Variants in CDH8 observed in about 807,000 individuals in gnomAD.
CDH8 encodes the protein cadherin-8.
CDH8 carries 17 observed loss-of-function variants against 68.1 expected under a neutral mutation model. The observed-to-expected ratio is 0.25, with a 90% CI of 0.17 to 0.37. The LOEUF (loss-of-function observed/expected upper bound fraction) is 0.37, where lower values mean the gene tolerates loss of function less well. Among genes scored for constraint, CDH8 ranks in the 10% least tolerant of loss-of-function variants. The probability of loss-of-function intolerance (pLI) is 1.00; values close to 1 mark genes in which losing one functional copy is unlikely to be tolerated. For missense variants in CDH8, 763 were observed against 999.3 expected (o/e 0.76, Z 3.19); for synonymous variants, 372 against 365.1 (o/e 1.02, Z -0.21).
intron 2 of CDH8, among the ~76,000 whole-genome samples, chr16:61,917,731 C>T (rs1964266847): frequency 6.6e-6 from 1 of 152,136 alleles, no homozygotes; most frequent in Non-Finnish European, 1.5e-5. Flanking sequence ...GAAGTGGTAC[C>T]TAGTACATAG....
At chr16:61,659,152 C>T (rs147860284) in intron 10 of CDH8, among the ~76,000 whole-genome samples, 1 of 152,106 alleles carries the variant, frequency 6.6e-6, no homozygotes, top group Admixed American at 6.6e-5. Flanking sequence ...AGAAAAGGAG[C>T]TCTACAGATG....
At chr16:61,865,693 G>A (rs1215914953) in intron 3 of CDH8, among the ~76,000 whole-genome samples, 4 of 151,970 alleles carry the variant, frequency 2.6e-5, no homozygotes, top group African/African-American at 4.8e-5. Flanking sequence ...GAATTGGGGC[G>A]GTTCTATTTC....
rs115480516 is a variant in CDH8, at chr16:62,016,341, C to G, written c.252+4811G>C. Among the ~76,000 whole-genome samples, 1,044 of 152,292 alleles carry G rather than the reference C, an allele frequency of 6.9e-3. 13 individuals are homozygous for G. Among genetic ancestry groups the G allele is most frequent in the African/African-American group, 0.024 (1,017 of 41,568 alleles). On this transcript the variant is annotated intron_variant, in intron 2 of 11. Coordinates refer to ENST00000577390, the MANE Select transcript of CDH8 (RefSeq NM_001796.5). ...TCTGTGTTTGCTCAGAGCTGAGAAT[C>G]CATTGGCAATGAAATGCTCTGCAGA...
At chr16:61,778,868 C>T (rs1960966043) in intron 8 of CDH8, among the ~76,000 whole-genome samples, 1 of 152,086 alleles carries the variant, frequency 6.6e-6, no homozygotes, top group Non-Finnish European at 1.5e-5. Flanking sequence ...TTCTAAGTAG[C>T]CTGGGTTGGA....
intron 10 of CDH8, among the ~76,000 whole-genome samples, chr16:61,672,348 T>C (rs962890526): frequency 6.6e-6 from 1 of 152,110 alleles, no homozygotes; most frequent in African/African-American, 2.4e-5. Flanking sequence ...TTGAATATCA[T>C]AGTAGACAGT....
At chr16:61,992,557 A>G (rs1965744595) in intron 2 of CDH8, among the ~76,000 whole-genome samples, 1 of 151,952 alleles carries the variant, frequency 6.6e-6, no homozygotes, top group Non-Finnish European at 1.5e-5. Flanking sequence ...TAACCTGCAC[A>G]TTGTGCACAT....
intron 2 of CDH8, among the ~76,000 whole-genome samples, chr16:61,968,188 T>C (rs1016196529): frequency 1.3e-5 from 2 of 152,212 alleles, no homozygotes; most frequent in Non-Finnish European, 1.5e-5. Context: ...ATTCCTGTGA[T>C]CCACTTCCAA....
At chr16:61,817,391 G>T in intron 7 of CDH8, 88 bp downstream of exon 7, 1 of 1,289,028 alleles carries the variant, frequency 7.8e-7, no homozygotes, top group African/African-American at 1.5e-5. Context: ...GTCCCAAGGA[G>T]AGCCCCACAG....
In CDH8 at chr16:61,653,829, C is replaced by T; in HGVS notation, c.2179G>A (p.Val727Ile). The T allele has an allele frequency of 3.1e-6, 5 of 1,614,168 alleles. No homozygotes were observed. The South Asian group carries it at 5.5e-5, about 18-fold the overall frequency. The part of the protein sequence containing the change: ...NGVDVDEFIN[V>I]RLHEADNDPT... ...TCATTATCTGCCTCATGCAGCCTTA[C>T]ATTTATAAATTCATCGACATCAACA... Residue 727 changes from valine to isoleucine, a missense_variant, in exon 12 of 12, where the codon GTA becomes ATA. By Grantham distance (29) the Val-to-Ile change is conservative. Around this residue, in one of 2 missense-constraint regions of CDH8, gnomAD observed 397 missense variants for 436.2 expected, o/e 0.91. Transcript: ENST00000577390.
At chr16:62,019,579 G>A (rs897296674) in intron 2 of CDH8, among the ~76,000 whole-genome samples, 16 of 152,240 alleles carry the variant, frequency 1.1e-4, no homozygotes, top group African/African-American at 3.9e-4. Flanking sequence ...GCAGCACCCT[G>A]TAATCAACCA....
intron 8 of CDH8, among the ~76,000 whole-genome samples, chr16:61,778,535 A>C (rs1960958464): frequency 6.6e-6 from 1 of 152,170 alleles, no homozygotes; most frequent in Admixed American, 6.5e-5. Context: ...TTAAATAAAT[A>C]ATTTTAAATG....
At chr16:61,745,860 ACTC>A (rs1869154193) in intron 8 of CDH8, among the ~76,000 whole-genome samples, 1 of 150,892 alleles carries the variant, frequency 6.6e-6, no homozygotes, top group Non-Finnish European at 1.5e-5. Flanking sequence ...TTGCAGGCCC[ACTC>A]CTCTTTGGCA....
chr16:61,887,637 T>C (rs1289785130), intron 3 of CDH8, among the ~76,000 whole-genome samples: 1 of 152,128 alleles, frequency 6.6e-6, no homozygotes, highest in East Asian at 1.9e-4. Context: ...TGACCCCATT[T>C]AACCTTCATT....
intron 8 of CDH8, among the ~76,000 whole-genome samples, chr16:61,763,527 T>C (rs1266988974): frequency 1.3e-5 from 2 of 152,120 alleles, no homozygotes; most frequent in Admixed American, 6.6e-5. Flanking sequence ...TGTTGGGAGC[T>C]AGAGTTGAAT....
At chr16:61,845,376 T>A (rs894282086) in intron 4 of CDH8, among the ~76,000 whole-genome samples, 1 of 151,304 alleles carries the variant, frequency 6.6e-6, no homozygotes, top group African/African-American at 2.4e-5. Context: ...GCTTCTAAGA[T>A]AAATAATACC....
intron 8 of CDH8, among the ~76,000 whole-genome samples, chr16:61,735,254 T>C (rs1411632018): frequency 6.6e-6 from 1 of 152,130 alleles, no homozygotes; most frequent in Admixed American, 6.6e-5. Context: ...GGACATATCT[T>C]TTTTGAAGGC....
At chr16:62,024,579 C>G (rs1024624685) in intron 1 of CDH8, among the ~76,000 whole-genome samples, 11 of 152,014 alleles carry the variant, frequency 7.2e-5, no homozygotes, top group African/African-American at 2.7e-4. Context: ...CCTGAACTCA[C>G]CAGAATAAGT....
intron 2 of CDH8, among the ~76,000 whole-genome samples, chr16:61,976,026 C>A (rs185638987): frequency 6.6e-6 from 1 of 152,206 alleles, no homozygotes; most frequent in Non-Finnish European, 1.5e-5. Flanking sequence ...CAAGAACTAA[C>A]ATAAACATAA....
At chr16:61,801,573 G>T (rs1347804178) in intron 7 of CDH8, among the ~76,000 whole-genome samples, 1 of 152,190 alleles carries the variant, frequency 6.6e-6, no homozygotes, top group African/African-American at 2.4e-5. Flanking sequence ...TCTCACTAGG[G>T]AGTGCCAGAC....
Sources: gnomAD v4.1 joint callset for allele counts (sites outside exome capture counted in the v4.1 genomes callset) on GRCh38, gnomAD v4.1.1 for gene constraint, gnomAD v4.1.1 regional missense constraint, MANE v1.5 for transcripts, NCBI Gene and HGNC (gene_info 2026-07-23, HGNC 2026-07-21) for gene names.